The following MYOM1 variants were observed in gnomAD, a reference collection of about 807,000 sequenced individuals.
MYOM1 encodes myomesin 1.
In MYOM1, 164 loss-of-function variants were observed where a neutral mutation model predicts 205.3. The observed-to-expected ratio is 0.80, with a 90% confidence interval of 0.70 to 0.91. The LOEUF is 0.91. Ranked by LOEUF, MYOM1 falls within the 40% of genes least tolerant of loss-of-function variation. The pLI is 0.00. For synonymous variants in MYOM1, 772 were observed against 789.4 expected (o/e 0.98, Z 0.37); for missense variants, 2,011 against 2,127.3 (o/e 0.95, Z 1.08).
At chr18:3,203,166 T>G (rs1157489102) in intron 2 of MYOM1, among the ~76,000 whole-genome samples, 1 of 151,376 alleles carries the variant, frequency 6.6e-6, no homozygotes, top group Admixed American at 6.6e-5. Context: ...GGGACATATA[T>G]AGCTTTAAGT....
At chr18:3,112,276 T>G in intron 22 of MYOM1, 22 bp downstream of exon 22, 1 of 1,603,652 alleles carries the variant, frequency 6.2e-7, no homozygotes, top group African/African-American at 1.3e-5. Context: ...GGATTAGTTT[T>G]AATGAAAAGG....
intron 3 of MYOM1, among the ~76,000 whole-genome samples, chr18:3,191,904 G>T (rs553280819): frequency 2.6e-5 from 4 of 152,032 alleles, no homozygotes; most frequent in African/African-American, 7.3e-5. Context: ...CACCGTGTTA[G>T]CCAGGATGGT....
intron 2 of MYOM1, among the ~76,000 whole-genome samples, chr18:3,200,552 TA>T: frequency 1.3e-5 from 2 of 152,142 alleles, no homozygotes. Flanking sequence ...AATTATAAAA[TA>T]AAATCAAAGG....
chr18:3,127,994 G>T (rs1304518437), intron 18 of MYOM1, among the ~76,000 whole-genome samples: 1 of 152,160 alleles, frequency 6.6e-6, no homozygotes, highest in African/African-American at 2.4e-5. Context: ...AGTTTTCAAT[G>T]AAGAGAGGGG....
chr18:3,178,890 CAG>C (rs1044789039), intron 5 of MYOM1, among the ~76,000 whole-genome samples: 1 of 150,438 alleles, frequency 6.6e-6, no homozygotes, highest in Non-Finnish European at 1.5e-5. Context: ...TTTTTTGAGA[CAG>C]TGTCTCGCTC....
chr18:3,217,477 A>G (rs1387778285), intron 1 of MYOM1, among the ~76,000 whole-genome samples: 2 of 152,198 alleles, frequency 1.3e-5, no homozygotes, highest in Non-Finnish European at 2.9e-5. Context: ...TCAATGCTCT[A>G]CATCTGAGAT....
chr18:3,072,288 A>G (rs1338723714), intron 36 of MYOM1, among the ~76,000 whole-genome samples: 2 of 143,708 alleles, frequency 1.4e-5, no homozygotes, highest in African/African-American at 2.6e-5. Flanking sequence ...TGACCTCGTG[A>G]TCCATCCACT....
chr18:3,130,427 G>A (rs534882148), intron 17 of MYOM1, among the ~76,000 whole-genome samples: 15 of 152,162 alleles, frequency 9.9e-5, no homozygotes, highest in South Asian at 8.3e-4. Flanking sequence ...AAAAACATGC[G>A]TTACTATATA....
At chr18:3,088,531 C>T (rs1183173277) in intron 29 of MYOM1, among the ~76,000 whole-genome samples, 1 of 152,168 alleles carries the variant, frequency 6.6e-6, no homozygotes, top group Non-Finnish European at 1.5e-5. Flanking sequence ...CACACCTATG[C>T]TTCCACCTGT....
chr18:3,086,692 C>T (rs2079158617), intron 29 of MYOM1, among the ~76,000 whole-genome samples: 1 of 152,164 alleles, frequency 6.6e-6, no homozygotes, highest in African/African-American at 2.4e-5. Flanking sequence ...CTAATCTTCT[C>T]ATCATATCAT....
At chr18:3,089,103 T>G in intron 29 of MYOM1, 71 bp downstream of exon 29, 21 of 1,104,982 alleles carry the variant, frequency 1.9e-5, no homozygotes, top group Non-Finnish European at 2.5e-5. Context: ...GATGAAAAAT[T>G]GAGCTTCCTC....
chr18:3,155,253 GCT>G (rs1156498185), intron 10 of MYOM1, among the ~76,000 whole-genome samples, 165 bp from the exon 11 acceptor site: 4 of 152,018 alleles, frequency 2.6e-5, no homozygotes, highest in Non-Finnish European at 2.9e-5. Flanking sequence ...ACGGAGTCTC[GCT>G]CTGTCACCCA....
At chr18:3,164,480 T>C (rs574303790) in intron 9 of MYOM1, 41 bp from the exon 10 acceptor site, 4 of 1,520,672 alleles carry the variant, frequency 2.6e-6, no homozygotes, top group Non-Finnish European at 3.5e-6. Flanking sequence ...CTTATTTTTG[T>C]TTTATAACTT....
rs73373143 is a variant in MYOM1, at chr18:3,117,844, C to G, written c.3119-1329G>C. Among the ~76,000 whole-genome samples, 586 of 152,210 alleles carry G rather than the reference C, an allele frequency of 3.8e-3. 4 individuals are homozygous for G. Among genetic ancestry groups the G allele is most frequent in the African/African-American group, 0.013 (559 of 41,518 alleles). On this transcript the variant is annotated intron_variant, in intron 20 of 37. Coordinates refer to ENST00000356443, the MANE Select transcript of MYOM1 (RefSeq NM_003803.4). ...CCTTGGCTTCATGGCTACAAATATG[C>G]GTCATGCTTGCCTTCCGATGTTTTG...
At chr18:3,171,615 G>C (rs1488118194) in intron 8 of MYOM1, among the ~76,000 whole-genome samples, 1 of 151,856 alleles carries the variant, frequency 6.6e-6, no homozygotes, top group Non-Finnish European at 1.5e-5. Flanking sequence ...TAGGGCAGGG[G>C]TTGGCAAGTC....
intron 10 of MYOM1, among the ~76,000 whole-genome samples, chr18:3,160,021 TCTCCTTCTCCTCTTCCTC>T (rs1340583108): frequency 1.3e-5 from 2 of 149,812 alleles, no homozygotes; most frequent in Non-Finnish European, 3.0e-5. Context: ...TACTTCTTCT[TCTCCTTCTCCTCTTCCTC>T]CTCCTTCTCC....
At position 3,089,169 on chromosome 18, in the gene MYOM1, C is replaced by G. The variant is rs370061856; in HGVS notation, c.4137+5G>C. On this transcript the variant is annotated splice_donor_5th_base_variant and intron_variant, in intron 29 of 37. Transcript: ENST00000356443. ...TCAAATATTAAAAATTTATCTACCT[C>G]TTACCTTGCATTTCAATAGTACATT... The G allele has an allele frequency of 8.7e-6, 14 of 1,602,132 alleles. No individual in the cohort carries two copies. In the African/African-American group the frequency reaches 1.9e-4, roughly 21 times the overall value.
chr18:3,231,930 T>C, the MYOM1 span, among the ~76,000 whole-genome samples: 1 of 151,868 alleles, frequency 6.6e-6, no homozygotes, highest in East Asian at 1.9e-4. Context: ...ATTCTTTCTA[T>C]TAAATGTTTG....
At chr18:3,119,755 G>T (rs757713029) in intron 20 of MYOM1, 114 bp downstream of exon 20, 10 of 1,333,012 alleles carry the variant, frequency 7.5e-6, no homozygotes, top group East Asian at 2.5e-5. Context: ...GGGGCCAAGA[G>T]AATTCTTTTC....
Sources: allele counts gnomAD v4.1 joint callset (sites outside exome capture counted in the v4.1 genomes callset), GRCh38; gene constraint gnomAD v4.1.1; transcripts MANE v1.5; gene names NCBI Gene and HGNC (gene_info 2026-07-23, HGNC 2026-07-21).